WDR7: variants seen among roughly 807,000 people sequenced by gnomAD.
WDR7 encodes WD repeat-containing protein 7.
Under a neutral mutation model 169.4 loss-of-function variants are expected in WDR7, and 46 were observed. That is an observed-to-expected ratio of 0.27 (90% CI 0.21 to 0.35). The LOEUF is 0.35. Ranked by LOEUF, WDR7 falls within the 10% of genes least tolerant of loss-of-function variation. The probability of loss-of-function intolerance (pLI) is 1.00; values close to 1 mark genes in which losing one functional copy is unlikely to be tolerated. For synonymous variants in WDR7, 612 were observed against 666.8 expected (o/e 0.92, Z 1.27); for missense variants, 1,534 against 1,859.3 (o/e 0.83, Z 3.22).
At chr18:56,726,957 G>A (rs187306180) in intron 13 of WDR7, among the ~76,000 whole-genome samples, 7 of 152,202 alleles carry the variant, frequency 4.6e-5, no homozygotes, top group Non-Finnish European at 5.9e-5. Flanking sequence ...GTACTCTGCC[G>A]AGTATGTAAG....
intron 14 of WDR7, among the ~76,000 whole-genome samples, chr18:56,744,166 G>C (rs1036779341): frequency 3.3e-5 from 5 of 151,178 alleles, no homozygotes; most frequent in African/African-American, 1.2e-4. Flanking sequence ...GTGAACCCGG[G>C]AGGCGGAGCT....
At chr18:56,704,275 A>T (rs1363553866) in intron 12 of WDR7, among the ~76,000 whole-genome samples, 2 of 152,064 alleles carry the variant, frequency 1.3e-5, no homozygotes, top group Non-Finnish European at 2.9e-5. Flanking sequence ...GGTGGCTTAC[A>T]CCTGTAATTT....
chr18:56,969,609 C>G (rs1419190626), intron 26 of WDR7, among the ~76,000 whole-genome samples: 2 of 152,164 alleles, frequency 1.3e-5, no homozygotes, highest in Non-Finnish European at 2.9e-5. Context: ...AGGTGAAGCA[C>G]TCCTGGCAAA....
intron 14 of WDR7, among the ~76,000 whole-genome samples, chr18:56,749,692 A>G (rs1277186084): frequency 6.6e-6 from 1 of 152,050 alleles, no homozygotes; most frequent in African/African-American, 2.4e-5. Context: ...GTAATATTAA[A>G]AAATGATTCT....
intron 26 of WDR7, among the ~76,000 whole-genome samples, chr18:57,006,655 C>T (rs1286868321): frequency 6.6e-6 from 1 of 152,084 alleles, no homozygotes; most frequent in Non-Finnish European, 1.5e-5. Context: ...AGGTAAATTA[C>T]CTTTGGCCAA....
chr18:56,767,434 G>A (rs2044085086), intron 16 of WDR7, among the ~76,000 whole-genome samples: 1 of 152,136 alleles, frequency 6.6e-6, no homozygotes, highest in African/African-American at 2.4e-5. Context: ...TCTCCATGTA[G>A]CTTCACCTAG....
intron 12 of WDR7, among the ~76,000 whole-genome samples, chr18:56,716,783 A>G: frequency 6.6e-6 from 1 of 152,224 alleles, no homozygotes; most frequent in South Asian, 2.1e-4. Context: ...AGATAATTAC[A>G]GTCACAGCAT....
At chr18:56,935,699 G>A in intron 22 of WDR7, 89 bp from the exon 23 acceptor site, 1 of 1,280,334 alleles carries the variant, frequency 7.8e-7, no homozygotes, top group Non-Finnish European at 1.1e-6. Flanking sequence ...CATTGACCTT[G>A]AACTGACATT....
At chr18:56,837,344 C>T (rs1047539656) in intron 20 of WDR7, among the ~76,000 whole-genome samples, 3 of 151,936 alleles carry the variant, frequency 2.0e-5, no homozygotes, top group Admixed American at 6.6e-5. Flanking sequence ...TCAAAATGGC[C>T]GTGTAGAAAA....
chr18:56,782,673 A>G (rs2044336936), intron 19 of WDR7, among the ~76,000 whole-genome samples: 2 of 152,136 alleles, frequency 1.3e-5, no homozygotes, highest in Admixed American at 1.3e-4. Flanking sequence ...GTAATGAAAT[A>G]CTCATTACAC....
At chr18:56,952,440 CAT>C (rs1324499910) in intron 25 of WDR7, among the ~76,000 whole-genome samples, 1 of 152,186 alleles carries the variant, frequency 6.6e-6, no homozygotes, top group Admixed American at 6.5e-5. Flanking sequence ...AATACTGAAA[CAT>C]GTTAAAATAT....
At chr18:56,867,721 A>G (rs2045901817) in intron 20 of WDR7, among the ~76,000 whole-genome samples, 1 of 152,184 alleles carries the variant, frequency 6.6e-6, no homozygotes, top group South Asian at 2.1e-4. Context: ...AGCATTTCCA[A>G]ATCCATAGTT....
intron 25 of WDR7, among the ~76,000 whole-genome samples, chr18:56,955,664 G>A (rs2047241029): frequency 6.6e-6 from 1 of 151,790 alleles, no homozygotes. Flanking sequence ...GGATGATGAT[G>A]ATGATGATGA....
In WDR7 at chr18:57,027,132, C is replaced by T; in HGVS notation, c.4398C>T (p.Ala1466=). 6.2e-7 allele frequency: 1 copy of T among 1,614,200 alleles called. No individual in the cohort carries two copies. The highest frequency in any genetic ancestry group is 1.1e-5 in the South Asian group (1 of 91,088). The change falls in exon 28 of 28, where the codon GCC becomes GCT. Residue 1466 remains alanine, a synonymous_variant. Coordinates refer to ENST00000254442, the MANE Select transcript of WDR7 (RefSeq NM_015285.3). ...GCTCCCACAATGCCCTCAAGCTGGC[C>T]CGGCTCATCTGGACTTCCAACCGCA... The part of the protein sequence containing the change: ...SPGSHNALKL[A]RLIWTSNRNV...
At chr18:56,953,904 G>A (rs1288411662) in intron 25 of WDR7, among the ~76,000 whole-genome samples, 3 of 152,182 alleles carry the variant, frequency 2.0e-5, no homozygotes, top group Non-Finnish European at 4.4e-5. Context: ...GCTGACTAAT[G>A]AATCAATGAT....
chr18:56,964,631 G>A (rs1446664434), intron 26 of WDR7, among the ~76,000 whole-genome samples: 5 of 151,896 alleles, frequency 3.3e-5, no homozygotes, highest in East Asian at 1.9e-4. Flanking sequence ...CAAGTGATCC[G>A]CCCACCTCAG....
intron 26 of WDR7, among the ~76,000 whole-genome samples, chr18:57,011,239 A>G (rs1240298445): frequency 1.3e-5 from 2 of 152,252 alleles, no homozygotes; most frequent in East Asian, 1.9e-4. Flanking sequence ...TATTACTTGC[A>G]TCATAAGGAT....
At chr18:56,732,515 A>G (rs1369674965) in intron 14 of WDR7, among the ~76,000 whole-genome samples, 3 of 152,200 alleles carry the variant, frequency 2.0e-5, no homozygotes, top group Non-Finnish European at 4.4e-5. Flanking sequence ...AAAATTAACC[A>G]TGAGTTCGTG....
At chr18:56,880,278 C>T (rs971726503) in intron 21 of WDR7, 113 bp downstream of exon 21, 5 of 1,037,852 alleles carry the variant, frequency 4.8e-6, no homozygotes, top group African/African-American at 1.6e-5. Flanking sequence ...AGATTGCTTG[C>T]GTGAAGTTAG....
Sources: allele counts gnomAD v4.1 joint callset (sites outside exome capture counted in the v4.1 genomes callset), GRCh38; gene constraint gnomAD v4.1.1; transcripts MANE v1.5; gene names NCBI Gene and HGNC (gene_info 2026-07-23, HGNC 2026-07-21).